AK5: variants seen among roughly 807,000 people sequenced by gnomAD.
The protein encoded by AK5 is adenylate kinase 5.
In AK5, 27 loss-of-function variants were observed where a neutral mutation model predicts 69.5. The ratio of observed to expected loss-of-function variants is 0.39; its 90% CI spans 0.29 to 0.54. The LOEUF (loss-of-function observed/expected upper bound fraction) is 0.54. Ranked by LOEUF, AK5 falls within the 20% of genes least tolerant of loss-of-function variation. The pLI is 0.71. For synonymous variants in AK5, 260 were observed against 244.4 expected (o/e 1.06, Z -0.60); for missense variants, 531 against 700.4 (o/e 0.76, Z 2.73).
In AK5 at chr1:77,288,306, A is replaced by G. The variant is rs111762941; in HGVS notation, c.247+1179A>G. The stretch of plus-strand genomic sequence containing the variant: ...TTGAGACGTATAATAGTATGTGCAA[A>G]TTAGAATCAGTTCAAATCAGGGGGA... On this transcript the variant is annotated intron_variant, in intron 2 of 13. Transcript: ENST00000354567. 6.3e-3 allele frequency among the ~76,000 whole-genome samples: 963 copies of G among 152,332 alleles called. 11 individuals are homozygous for G. Among genetic ancestry groups the G allele is most frequent in the African/African-American group, 0.022 (897 of 41,580 alleles).
At chr1:77,367,599 A>AATATATATGTTATATATATGTT (rs1646988388) in intron 6 of AK5, among the ~76,000 whole-genome samples, 2 of 63,130 alleles carry the variant, frequency 3.2e-5, no homozygotes, top group African/African-American at 1.5e-4. Context: ...TTATATATGT[A>AATATATATGTTATATATATGTT]ATATATATGT....
chr1:77,416,703 T>A (rs1650451522), intron 7 of AK5, among the ~76,000 whole-genome samples: 1 of 152,154 alleles, frequency 6.6e-6, no homozygotes, highest in African/African-American at 2.4e-5. Flanking sequence ...CGGGGACAGG[T>A]CTATATCTGA....
At chr1:77,470,426 G>A (rs945539237) in intron 8 of AK5, among the ~76,000 whole-genome samples, 7 of 152,112 alleles carry the variant, frequency 4.6e-5, no homozygotes, top group African/African-American at 1.7e-4. Flanking sequence ...GATCACTTGA[G>A]CCTGGGAGGC....
intron 5 of AK5, among the ~76,000 whole-genome samples, chr1:77,306,481 T>TA (rs1362477438): frequency 2.0e-3 from 122 of 60,364 alleles, no homozygotes; most frequent in Non-Finnish European, 3.9e-3. Context: ...TTCAATTTGC[T>TA]AGGTTTTTTT....
At chr1:77,460,427 T>C (rs1450960240) in intron 8 of AK5, among the ~76,000 whole-genome samples, 1 of 152,216 alleles carries the variant, frequency 6.6e-6, no homozygotes, top group East Asian at 1.9e-4. Flanking sequence ...AATTAGAACA[T>C]ACATTTGTTT....
chr1:77,524,441 C>A (rs976306691), intron 12 of AK5, among the ~76,000 whole-genome samples: 8 of 152,204 alleles, frequency 5.3e-5, no homozygotes, highest in African/African-American at 1.9e-4. Context: ...ATTTCAATTT[C>A]TTCTCACCAA....
rs60939723 is a variant in AK5 at position 77,365,004 on chromosome 1, C to A, written c.891+24436C>A. ...TTCCCAACAACAGTGTATGGCCTAC[C>A]CCTGTTTTTGCACCTTCACCAACAT... On this transcript the variant is annotated intron_variant, in intron 6 of 13. Coordinates refer to ENST00000354567, the MANE Select transcript of AK5 (RefSeq NM_174858.3). Among the ~76,000 whole-genome samples the A allele has an allele frequency of 1.4e-3, 211 of 152,246 alleles. 1 individual carries two copies. Among genetic ancestry groups the A allele is most frequent in the Middle Eastern group, 0.01 (3 of 294 alleles).
At chr1:77,354,637 AT>A (rs755992236) in intron 6 of AK5, among the ~76,000 whole-genome samples, 14 of 152,260 alleles carry the variant, frequency 9.2e-5, no homozygotes, top group Non-Finnish European at 1.6e-4. Context: ...TTTAGACTTC[AT>A]TCACTAGGAT....
intron 6 of AK5, among the ~76,000 whole-genome samples, chr1:77,353,926 T>C (rs1662353402): frequency 6.6e-6 from 1 of 152,078 alleles, no homozygotes; most frequent in African/African-American, 2.4e-5. Context: ...ATTGTAATGA[T>C]AGGAGGAAGG....
chr1:77,518,662 G>T lies in AK5; in HGVS notation c.1246G>T (p.Ala416Ser), dbSNP rs201908609. The change falls in exon 11 of 14, where the codon GCA becomes TCA. Residue 416 changes from alanine (A) to serine (S), a missense_variant. Coordinates refer to ENST00000354567, the MANE Select transcript of AK5 (RefSeq NM_174858.3). ...STGELLREELASESERSKLIR... is the reference protein window; with the variant it reads ...STGELLREELSSESERSKLIR... ...TGGCGAGCTCCTGCGTGAGGAACTG[G>T]CATCAGAATCTGAAAGAAGCAAATT... is the stretch of plus-strand genomic sequence containing the variant. The T allele has an allele frequency of 2.4e-4, 382 of 1,614,062 alleles. No homozygotes were observed. The highest frequency in any genetic ancestry group is 3.2e-4 in the Non-Finnish European group (376 of 1,180,040).
At chr1:77,526,209 G>C (rs1193931016) in intron 12 of AK5, among the ~76,000 whole-genome samples, 2 of 152,108 alleles carry the variant, frequency 1.3e-5, no homozygotes, top group African/African-American at 2.4e-5. Flanking sequence ...GTGCAGGGCT[G>C]GGGGGTTGGA....
chr1:77,367,476 C>G (rs1014203819), intron 6 of AK5, among the ~76,000 whole-genome samples: 1 of 140,878 alleles, frequency 7.1e-6, no homozygotes, highest in Non-Finnish European at 1.5e-5. Flanking sequence ...ACCACCACAC[C>G]TGGCTAGTTT....
chr1:77,556,761 T>C (rs141751254), intron 13 of AK5, among the ~76,000 whole-genome samples: 1 of 152,316 alleles, frequency 6.6e-6, no homozygotes, highest in African/African-American at 2.4e-5. Flanking sequence ...CAAAGTGTGC[T>C]TGTAAATGTG....
chr1:77,377,404 G>A (rs1255916178), intron 6 of AK5, among the ~76,000 whole-genome samples: 1 of 152,118 alleles, frequency 6.6e-6, no homozygotes, highest in Non-Finnish European at 1.5e-5. Flanking sequence ...TTAGGCCCAA[G>A]TTCTCATCAC....
At chr1:77,316,897 T>G (rs936004) in intron 5 of AK5, among the ~76,000 whole-genome samples, 2,547 of 152,292 alleles carry the variant, frequency 0.017, 76 homozygotes, top group African/African-American at 0.058. Context: ...ATCCAAACTT[T>G]GTGTAAAGAT....
At chr1:77,447,555 TA>T (rs151045720) in intron 8 of AK5, among the ~76,000 whole-genome samples, 1 of 152,164 alleles carries the variant, frequency 6.6e-6, no homozygotes, top group Non-Finnish European at 1.5e-5. Flanking sequence ...TGTTTTCTTT[TA>T]AAAAAAACCC....
Position 77,542,263 on chromosome 1 carries a change from C to T in AK5, c.1620+6225C>T, listed in dbSNP as rs145776860. Among the ~76,000 whole-genome samples the T allele has an allele frequency of 3.2e-3, 481 of 152,104 alleles. 2 individuals are homozygous for T. Among genetic ancestry groups the T allele is most frequent in the African/African-American group, 0.011 (464 of 41,494 alleles). Reference sequence around the variant, plus strand: ...ACTTGAACCTGGGAGGCGGAGGTTGCGGTAAGCCAAGATCACACCACTGCA... The same window carrying T: ...ACTTGAACCTGGGAGGCGGAGGTTGTGGTAAGCCAAGATCACACCACTGCA... On this transcript the variant is annotated intron_variant, in intron 13 of 13. Transcript: ENST00000354567.
At chr1:77,380,717 G>A (rs1427076189) in intron 6 of AK5, among the ~76,000 whole-genome samples, 1 of 152,154 alleles carries the variant, frequency 6.6e-6, no homozygotes, top group East Asian at 1.9e-4. Context: ...AACAGTCCTG[G>A]GTACCATGTG....
At chr1:77,531,288 A>G (rs1444417868) in intron 12 of AK5, among the ~76,000 whole-genome samples, 1 of 152,194 alleles carries the variant, frequency 6.6e-6, no homozygotes, top group Non-Finnish European at 1.5e-5. Context: ...GCAAAAGAAC[A>G]AAGCTTCCAC....
Sources: allele counts gnomAD v4.1 joint callset (sites outside exome capture counted in the v4.1 genomes callset), GRCh38; gene constraint gnomAD v4.1.1; transcripts MANE v1.5; gene names NCBI Gene and HGNC (gene_info 2026-07-23, HGNC 2026-07-21).